The following CNTN5 variants were observed in gnomAD, a reference collection of about 807,000 sequenced individuals.
CNTN5 encodes contactin 5.
A neutral mutation model predicts 129.1 loss-of-function variants in CNTN5; 77 were observed. The ratio of observed to expected loss-of-function variants is 0.60; its 90% CI spans 0.50 to 0.72. The LOEUF is 0.72. Ranked by LOEUF, CNTN5 falls within the 30% of genes least tolerant of loss-of-function variation. The pLI is 0.00. For missense variants in CNTN5, 1,478 were observed against 1,328.8 expected (o/e 1.11, Z -1.75); for synonymous variants, 509 against 465.6 (o/e 1.09, Z -1.20).
At chr11:99,989,170 T>G (rs1591531205) in intron 8 of CNTN5, among the ~76,000 whole-genome samples, 1 of 152,204 alleles carries the variant, frequency 6.6e-6, no homozygotes, top group South Asian at 2.1e-4. Flanking sequence ...CAACTCTGAT[T>G]GGGGTGCAAG....
At chr11:99,671,730 T>A (rs1953053125) in intron 3 of CNTN5, among the ~76,000 whole-genome samples, 1 of 152,188 alleles carries the variant, frequency 6.6e-6, no homozygotes. Context: ...TCAGAATTAA[T>A]CTATTACATT....
intron 8 of CNTN5, among the ~76,000 whole-genome samples, chr11:99,990,238 G>T (rs1336045271): frequency 6.6e-6 from 1 of 152,090 alleles, no homozygotes; most frequent in East Asian, 1.9e-4. Flanking sequence ...ATAGTGGCAA[G>T]AACAGGATAA....
intron 1 of CNTN5, among the ~76,000 whole-genome samples, chr11:99,073,889 T>A (rs1422672795): frequency 6.6e-6 from 1 of 152,132 alleles, no homozygotes; most frequent in African/African-American, 2.4e-5. Flanking sequence ...GGGTATATAC[T>A]CAGTAATGGG....
intron 3 of CNTN5, among the ~76,000 whole-genome samples, chr11:99,659,940 A>C (rs561188114): frequency 6.6e-6 from 1 of 152,272 alleles, no homozygotes; most frequent in African/African-American, 2.4e-5. Flanking sequence ...ATTATGAGCC[A>C]CACATGTGGG....
chr11:99,352,230 G>A (rs1938346943), intron 2 of CNTN5, among the ~76,000 whole-genome samples: 1 of 151,116 alleles, frequency 6.6e-6, no homozygotes, highest in Non-Finnish European at 1.5e-5. Context: ...CTAAAAACCT[G>A]TGGAGTGACC....
At chr11:99,839,740 A>G (rs918973714) in intron 4 of CNTN5, among the ~76,000 whole-genome samples, 10 of 152,154 alleles carry the variant, frequency 6.6e-5, no homozygotes, top group Admixed American at 2.0e-4. Context: ...AGAAAAAATG[A>G]TTAAAGAGTT....
In CNTN5 at chr11:99,229,453, T is replaced by C. The variant is rs184152226; in HGVS notation, c.-209-95893T>C. On this transcript the variant is annotated intron_variant, in intron 1 of 24. Transcript: ENST00000524871. The stretch of plus-strand genomic sequence containing the variant: ...TTAATTGGTAGTCTCTTTACCTCAG[T>C]CGTGAAGTTTGAAATAGGAACTAAA... Among the ~76,000 whole-genome samples the C allele has an allele frequency of 6.2e-3, 930 of 150,180 alleles. 6 individuals carry two copies. Among genetic ancestry groups the C allele is most frequent in the African/African-American group, 0.022 (885 of 40,810 alleles).
At chr11:100,306,208 T>C (rs1200868458) in intron 20 of CNTN5, among the ~76,000 whole-genome samples, 2 of 151,660 alleles carry the variant, frequency 1.3e-5, no homozygotes, top group African/African-American at 4.8e-5. Flanking sequence ...TTAAAATCCT[T>C]AGAGCTTTTA....
intron 1 of CNTN5, among the ~76,000 whole-genome samples, chr11:99,145,168 C>A (rs1859715930): frequency 6.6e-6 from 1 of 152,122 alleles, no homozygotes; most frequent in Non-Finnish European, 1.5e-5. Flanking sequence ...CTCCTGGATT[C>A]AAGCAATTCT....
At chr11:99,861,309 TC>T (rs1418399688) in intron 6 of CNTN5, among the ~76,000 whole-genome samples, 1 of 152,160 alleles carries the variant, frequency 6.6e-6, no homozygotes, top group African/African-American at 2.4e-5. Context: ...TGCATAGTTC[TC>T]CTTGGAGAGA....
intron 2 of CNTN5, among the ~76,000 whole-genome samples, chr11:99,330,318 T>C (rs1030423113): frequency 9.3e-5 from 14 of 151,110 alleles, no homozygotes; most frequent in African/African-American, 3.2e-4. Flanking sequence ...GAAGAAAATA[T>C]AGATTTGGCC....
chr11:99,446,198 T>C (rs943108069), intron 2 of CNTN5, among the ~76,000 whole-genome samples: 3 of 152,080 alleles, frequency 2.0e-5, no homozygotes, highest in African/African-American at 4.8e-5. Flanking sequence ...CTCAGATTGC[T>C]CTTATACAGT....
intron 23 of CNTN5, among the ~76,000 whole-genome samples, chr11:100,341,668 G>A (rs1385146621): frequency 6.6e-6 from 1 of 152,170 alleles, no homozygotes; most frequent in Non-Finnish European, 1.5e-5. Flanking sequence ...GAGAGACACA[G>A]CAAGCTCCAA....
intron 13 of CNTN5, among the ~76,000 whole-genome samples, chr11:100,123,297 G>A (rs1201900038): frequency 6.6e-6 from 1 of 151,772 alleles, no homozygotes; most frequent in Admixed American, 6.6e-5. Context: ...ATTATTGTTA[G>A]ATAAAAATCA....
intron 13 of CNTN5, among the ~76,000 whole-genome samples, chr11:100,081,993 A>C (rs748737583): frequency 6.6e-6 from 1 of 152,308 alleles, no homozygotes; most frequent in East Asian, 1.9e-4. Context: ...ATAGGAGTAC[A>C]AGAGAGTTTA....
At chr11:99,821,605 C>G (rs1946803796) in intron 4 of CNTN5, among the ~76,000 whole-genome samples, 1 of 151,984 alleles carries the variant, frequency 6.6e-6, no homozygotes, top group Non-Finnish European at 1.5e-5. Flanking sequence ...TTACTGTACC[C>G]ATAATAATGA....
intron 2 of CNTN5, among the ~76,000 whole-genome samples, chr11:99,477,831 C>G (rs1277264359): frequency 1.3e-5 from 2 of 150,642 alleles, no homozygotes; most frequent in Non-Finnish European, 3.0e-5. Flanking sequence ...TAAAAAGAAG[C>G]TGAATATTTT....
rs375560212 is a variant in CNTN5 at position 99,319,792 on chromosome 11, G to A, written c.-209-5554G>A. Among the ~76,000 whole-genome samples the A allele has an allele frequency of 2.0e-5, 3 of 152,196 alleles. No individual in the cohort carries two copies. The East Asian group carries it at 5.8e-4, about 29-fold the overall frequency. On this transcript the variant is annotated intron_variant, in intron 1 of 24. Coordinates refer to ENST00000524871, the MANE Select transcript of CNTN5 (RefSeq NM_014361.4). ...TCATCATGAAGAAAACTTTGAAGTA[G>A]GCCGACAGTGAAATGCAGGGAGACC...
intron 21 of CNTN5, among the ~76,000 whole-genome samples, chr11:100,320,599 T>G (rs1171648460): frequency 1.3e-5 from 2 of 151,864 alleles, no homozygotes; most frequent in African/African-American, 2.4e-5. Flanking sequence ...TTGCCTGTGG[T>G]TTTTTTTGGG....
Sources: allele counts gnomAD v4.1 joint callset (sites outside exome capture counted in the v4.1 genomes callset), GRCh38; gene constraint gnomAD v4.1.1; transcripts MANE v1.5; gene names NCBI Gene and HGNC (gene_info 2026-07-23, HGNC 2026-07-21).